Variants in CSMD1 observed in about 807,000 individuals in gnomAD.
The protein encoded by CSMD1 is CUB and sushi domain-containing protein 1.
Under a neutral mutation model 417.5 loss-of-function variants are expected in CSMD1, and 213 were observed. The ratio of observed to expected loss-of-function variants is 0.51; its 90% CI spans 0.46 to 0.57. The LOEUF (loss-of-function observed/expected upper bound fraction) is 0.57. CSMD1 is among the 20% of genes least tolerant of loss of function. The pLI is 0.00. For synonymous variants in CSMD1, 2,862 were observed against 1,736.8 expected (o/e 1.65, Z -16.11); for missense variants, 6,923 against 4,529.7 (o/e 1.53, Z -15.17).
chr8:3,425,769 T>G (rs915484760), intron 12 of CSMD1, among the ~76,000 whole-genome samples: 1 of 152,120 alleles, frequency 6.6e-6, no homozygotes, highest in Admixed American at 6.5e-5. Context: ...TTTTATTCAA[T>G]AGACAGCAAA....
intron 1 of CSMD1, among the ~76,000 whole-genome samples, chr8:4,737,753 T>C (rs148711096): frequency 6.6e-6 from 1 of 152,104 alleles, no homozygotes; most frequent in East Asian, 1.9e-4. Flanking sequence ...GCAAAGGCAA[T>C]AGAAAGGCCA....
intron 3 of CSMD1, among the ~76,000 whole-genome samples, chr8:4,099,052 ATC>A (rs1585310579): frequency 6.6e-6 from 1 of 152,162 alleles, no homozygotes; most frequent in Non-Finnish European, 1.5e-5. Flanking sequence ...CATGTGACAC[ATC>A]TGTTTTTTTC....
chr8:3,914,326 G>GCT (rs1366654112), intron 5 of CSMD1, among the ~76,000 whole-genome samples: 12 of 151,988 alleles, frequency 7.9e-5, no homozygotes, highest in South Asian at 2.1e-4. Context: ...GGAAGAGAAT[G>GCT]GGGCCTAGAG....
At chr8:4,537,015 G>A (rs541038781) in intron 2 of CSMD1, among the ~76,000 whole-genome samples, 4 of 152,110 alleles carry the variant, frequency 2.6e-5, no homozygotes, top group South Asian at 4.2e-4. Context: ...ATTTGAGCAC[G>A]GTCTTATATT....
intron 1 of CSMD1, among the ~76,000 whole-genome samples, chr8:4,699,658 A>G (rs1191342624): frequency 6.6e-6 from 1 of 152,202 alleles, no homozygotes; most frequent in Non-Finnish European, 1.5e-5. Context: ...AATTTAGAAC[A>G]TTTTAAACAA....
At chr8:3,690,238 A>C (rs1022595007) in intron 7 of CSMD1, among the ~76,000 whole-genome samples, 2 of 152,166 alleles carry the variant, frequency 1.3e-5, no homozygotes, top group African/African-American at 4.8e-5. Context: ...GTGCACCTGT[A>C]ATCCCAGCTA....
intron 7 of CSMD1, among the ~76,000 whole-genome samples, chr8:3,701,482 A>G (rs1358415273): frequency 1.3e-5 from 2 of 149,608 alleles, no homozygotes; most frequent in Non-Finnish European, 3.0e-5. Context: ...TGAGGGCAAA[A>G]GACTCTTCAG....
intron 3 of CSMD1, among the ~76,000 whole-genome samples, chr8:4,072,859 T>C (rs905841423): frequency 1.3e-5 from 2 of 152,174 alleles, no homozygotes; most frequent in Non-Finnish European, 2.9e-5. Flanking sequence ...ATTTAGAAGC[T>C]TGAAAATAAA....
At position 4,091,438 on chromosome 8, in the gene CSMD1, C is replaced by T. The variant is rs186545081; in HGVS notation, c.416-59339G>A. ...TCTTTTACTCAAGTTATTATTTGCA[C>T]TTTTGCTCCACGTCAGAAAAACAGC... On this transcript the variant is annotated intron_variant, in intron 3 of 69. Transcript: ENST00000635120. Among the ~76,000 whole-genome samples the T allele has an allele frequency of 1.9e-4, 29 of 152,166 alleles. No individual in the cohort carries two copies. In the Middle Eastern group the frequency reaches 0.01, roughly 54 times the overall value.
chr8:4,590,924 C>T (rs543818043), intron 2 of CSMD1, among the ~76,000 whole-genome samples: 1 of 152,276 alleles, frequency 6.6e-6, no homozygotes. Context: ...GCTCTCAGGC[C>T]TTCTGAGCTC....
At chr8:3,587,680 A>G (rs1800665696) in intron 8 of CSMD1, among the ~76,000 whole-genome samples, 1 of 152,204 alleles carries the variant, frequency 6.6e-6, no homozygotes, top group Non-Finnish European at 1.5e-5. Flanking sequence ...AGTCAAAGCA[A>G]CTGGGAAAAT....
At chr8:4,743,007 G>C (rs1198501545) in intron 1 of CSMD1, among the ~76,000 whole-genome samples, 3 of 152,124 alleles carry the variant, frequency 2.0e-5, no homozygotes, top group East Asian at 3.9e-4. Flanking sequence ...ATGCTTCACT[G>C]TGTTTGGAGA....
At chr8:4,001,299 T>TAACAG (rs1477121844) in intron 4 of CSMD1, among the ~76,000 whole-genome samples, 2 of 152,090 alleles carry the variant, frequency 1.3e-5, no homozygotes, top group African/African-American at 2.4e-5. Flanking sequence ...GCAGCCAACA[T>TAACAG]AACAGGGACA....
intron 20 of CSMD1, among the ~76,000 whole-genome samples, chr8:3,363,030 T>G (rs907374069): frequency 1.3e-5 from 2 of 152,198 alleles, no homozygotes; most frequent in African/African-American, 2.4e-5. Flanking sequence ...CTGCCCTCCA[T>G]AACTAACTTC....
Position 3,319,146 on chromosome 8 carries a change from C to T in CSMD1, c.3632-10643G>A, listed in dbSNP as rs1249814293. On this transcript the variant is annotated intron_variant, in intron 23 of 69. Coordinates refer to ENST00000635120, the MANE Select transcript of CSMD1 (RefSeq NM_033225.6). ...AGAAGTAACTTCCTTGCTGAAAAGG[C>T]CTAGCTTTTAAAAAAAATCTAGGAA... Among the ~76,000 whole-genome samples the T allele has an allele frequency of 4.6e-5, 7 of 152,080 alleles. No homozygotes were observed. In the East Asian group the frequency reaches 1.4e-3, roughly 29 times the overall value.
intron 1 of CSMD1, among the ~76,000 whole-genome samples, chr8:4,763,437 A>C (rs1210939552): frequency 6.6e-6 from 1 of 152,166 alleles, no homozygotes; most frequent in Non-Finnish European, 1.5e-5. Context: ...ACTTACAAAG[A>C]AGGGTGCATT....
chr8:3,900,974 C>G (rs747560219), intron 5 of CSMD1, among the ~76,000 whole-genome samples: 6 of 152,170 alleles, frequency 3.9e-5, no homozygotes, highest in Non-Finnish European at 8.8e-5. Flanking sequence ...GAGCCTGAAA[C>G]TTTATGATTT....
chr8:3,408,943 G>T (rs184889432), intron 13 of CSMD1, among the ~76,000 whole-genome samples: 1 of 151,920 alleles, frequency 6.6e-6, no homozygotes, highest in African/African-American at 2.4e-5. Flanking sequence ...CTTTAAAATC[G>T]ACTGTGAAGC....
chr8:4,212,566 T>C (rs1036765837), intron 3 of CSMD1, among the ~76,000 whole-genome samples: 1 of 151,936 alleles, frequency 6.6e-6, no homozygotes, highest in East Asian at 1.9e-4. Flanking sequence ...AAATAAAGAA[T>C]AGTTGATCAA....
Sources: gnomAD v4.1 joint callset for allele counts (sites outside exome capture counted in the v4.1 genomes callset) on GRCh38, gnomAD v4.1.1 for gene constraint, MANE v1.5 for transcripts, NCBI Gene and HGNC (gene_info 2026-07-23, HGNC 2026-07-21) for gene names.